The following PHC2 variants were observed in gnomAD, a reference collection of about 807,000 sequenced individuals.
PHC2 encodes polyhomeotic homolog 2.
PHC2 carries 29 observed loss-of-function variants against 87.4 expected under a neutral mutation model. That is an observed-to-expected ratio of 0.33 (90% CI 0.25 to 0.45). PHC2 has a LOEUF of 0.45. Among genes scored for constraint, PHC2 ranks in the 20% least tolerant of loss-of-function variants. PHC2 has a pLI of 1.00. For missense variants in PHC2, 857 were observed against 1,136.7 expected (o/e 0.75, Z 3.54); for synonymous variants, 438 against 461.7 (o/e 0.95, Z 0.66).
intron 1 of PHC2, 132 bp downstream of exon 1, chr1:33,430,844 G>T (rs1008086803): frequency 6.7e-6 from 1 of 150,176 alleles, no homozygotes; most frequent in African/African-American, 2.4e-5. Flanking sequence ...GGCCCGTCCC[G>T]GCCGAGCGCT....
intron 1 of PHC2, 38 bp downstream of exon 1, chr1:33,430,938 C>G (rs1378809750): frequency 6.6e-6 from 1 of 151,326 alleles, no homozygotes; most frequent in African/African-American, 2.4e-5. Context: ...GCCCGTCAGC[C>G]GCGAGCTGGC....
Position 33,349,243 on chromosome 1 carries a change from G to A in PHC2, c.1558+5158C>T, listed in dbSNP as rs1646908069. On this transcript the variant is annotated intron_variant, in intron 9 of 14. Transcript: ENST00000683057. This position sits in a 1 kb window ranked among gnomAD's most constrained non-coding sequence, Gnocchi z 4.2. Reference sequence around the variant, plus strand: ...CACCAATAAAGTACGGCAGATGCCAGCAGTCTCGTCCCCGAACGCACCGTC... The same window carrying A: ...CACCAATAAAGTACGGCAGATGCCAACAGTCTCGTCCCCGAACGCACCGTC... 2 of 985,500 alleles carry A rather than the reference G, an allele frequency of 2.0e-6. No individual in the cohort carries two copies. Among genetic ancestry groups the A allele is most frequent in the Non-Finnish European group, 1.2e-6 (1 of 829,986 alleles). 61.0% of individuals were successfully genotyped at this position (985,500 alleles called of 1,614,324 possible).
intron 7 of PHC2, among the ~76,000 whole-genome samples, chr1:33,356,275 A>G (rs201287168): frequency 0.076 from 7,815 of 102,432 alleles, 290 homozygotes; most frequent in East Asian, 0.18. Context: ...ATATATATAT[A>G]TGTATATATA....
Position 33,355,151 on chromosome 1 carries a change from T to G in PHC2, c.1079A>C (p.Gln360Pro), listed in dbSNP as rs934728464. ...AGGCCGTGACTGCTGGGGCGGCGGC[T>G]GCTGCTGTTGTGGCTGTGGCTGCTG... ...IQQQPQPQQQQPPPQQSRPVL... is the reference protein window; with the variant it reads ...IQQQPQPQQQPPPPQQSRPVL... Residue 360 changes from glutamine (Q) to proline (P), a missense_variant, in exon 8 of 15, where the codon CAG becomes CCG. Gln to Pro is a moderately conservative substitution (Grantham distance 76). Around this residue, in one of 3 missense-constraint regions of PHC2, gnomAD observed 832 missense variants for 1,081.8 expected, o/e 0.77. Coordinates refer to ENST00000683057, the MANE Select transcript of PHC2 (RefSeq NM_001385109.1). 1 of 1,608,528 alleles carries G rather than the reference T, an allele frequency of 6.2e-7. No homozygotes were observed. The highest frequency in any genetic ancestry group is 1.3e-5 in the African/African-American group (1 of 74,874).
chr1:33,353,328 C>A (rs991067245), intron 9 of PHC2: 18 of 152,132 alleles, frequency 1.2e-4, no homozygotes, highest in African/African-American at 4.3e-4. Context: ...GAATCATGAC[C>A]AATGCTGGCA....
At chr1:33,407,704 A>G (rs536038299) in intron 1 of PHC2, among the ~76,000 whole-genome samples, 48 of 152,354 alleles carry the variant, frequency 3.2e-4, no homozygotes, top group African/African-American at 1.2e-3. Context: ...TATTTCATTC[A>G]GACTAGTAAA....
At chr1:33,408,828 A>C (rs1649872133) in intron 1 of PHC2, among the ~76,000 whole-genome samples, 1 of 152,134 alleles carries the variant, frequency 6.6e-6, no homozygotes, top group African/African-American at 2.4e-5. Flanking sequence ...AAAAAGATAA[A>C]ATGCCAGTCT....
chr1:33,376,391 G>A (rs1200680364), intron 1 of PHC2, among the ~76,000 whole-genome samples: 1 of 152,210 alleles, frequency 6.6e-6, no homozygotes, highest in Non-Finnish European at 1.5e-5. Context: ...GGCAGACTTG[G>A]TTCACTAGGT....
intron 1 of PHC2, among the ~76,000 whole-genome samples, chr1:33,381,575 C>A (rs1314781040): frequency 6.6e-6 from 1 of 151,606 alleles, no homozygotes; most frequent in Non-Finnish European, 1.5e-5. Context: ...TATATCTAAG[C>A]AATTTATGTA....
chr1:33,385,294 C>G (rs903022615), intron 1 of PHC2, among the ~76,000 whole-genome samples: 4 of 152,108 alleles, frequency 2.6e-5, no homozygotes, highest in Admixed American at 6.5e-5. Flanking sequence ...GAAAATGAAA[C>G]AACATAAATA....
intron 1 of PHC2, among the ~76,000 whole-genome samples, chr1:33,430,721 G>T (rs992438382): frequency 1.3e-4 from 20 of 150,730 alleles, no homozygotes; most frequent in African/African-American, 4.9e-4. Context: ...GCCGCGCTCT[G>T]CCGGTCGCCG....
chr1:33,398,484 G>T lies in PHC2; in HGVS notation c.-54-22891C>A, dbSNP rs1649384196. 2.6e-5 allele frequency among the ~76,000 whole-genome samples: 4 copies of T among 152,202 alleles called. No homozygotes were observed. In the South Asian group the frequency reaches 8.3e-4, roughly 31 times the overall value. ...TAGATACCAAATGTTAACAATGGCT[G>T]CTTTGGGTGATAGTGTTACTGCTGA... is the stretch of plus-strand genomic sequence containing the variant. On this transcript the variant is annotated intron_variant, in intron 1 of 14. Coordinates refer to ENST00000683057, the MANE Select transcript of PHC2 (RefSeq NM_001385109.1).
intron 2 of PHC2, among the ~76,000 whole-genome samples, chr1:33,375,059 C>T (rs546427330): frequency 8.5e-4 from 130 of 152,256 alleles, no homozygotes; most frequent in Admixed American, 2.4e-3. Context: ...TGTTCTTCAC[C>T]GGGCAATGGT....
At position 33,323,957 on chromosome 1, in the gene PHC2, G is replaced by A. The variant is rs1570432980; in HGVS notation, c.*908C>T. ...CTCACCACTGGGACTCCCAGGGTGG[G>A]CGGGCAGGCAGGCCAGGAGGCTCAG... On this transcript the variant is annotated 3_prime_UTR_variant, in exon 15 of 15. Transcript: ENST00000683057. 6.6e-6 allele frequency: 1 copy of A among 152,438 alleles called. No individual in the cohort carries two copies. Among genetic ancestry groups the A allele is most frequent in the East Asian group, 1.9e-4 (1 of 5,184 alleles). The allele number at this position is 152,438 out of a possible 1,614,324, so 9.4% of individuals were successfully genotyped here.
intron 4 of PHC2, among the ~76,000 whole-genome samples, chr1:33,370,814 A>T (rs1647780016): frequency 6.6e-6 from 1 of 152,114 alleles, no homozygotes; most frequent in African/African-American, 2.4e-5. Context: ...ATCCACAGAG[A>T]GCCCTGACAC....
At chr1:33,419,375 A>G (rs1348852128) in intron 1 of PHC2, among the ~76,000 whole-genome samples, 1 of 152,196 alleles carries the variant, frequency 6.6e-6, no homozygotes, top group African/African-American at 2.4e-5. Context: ...TGGAGGCCTG[A>G]AGTTCAATAT....
chr1:33,362,153 T>C (rs1310162172), intron 7 of PHC2, among the ~76,000 whole-genome samples: 1 of 152,214 alleles, frequency 6.6e-6, no homozygotes, highest in African/African-American at 2.4e-5. Context: ...CTGTAAATGG[T>C]GATACATAGC....
chr1:33,419,898 C>G (rs996976240), intron 1 of PHC2, among the ~76,000 whole-genome samples: 1 of 151,636 alleles, frequency 6.6e-6, no homozygotes, highest in African/African-American at 2.4e-5. Flanking sequence ...CGTGAGCCAC[C>G]GCGCCCGGCC....
chr1:33,334,084 C>A lies in PHC2; in HGVS notation c.1761+6G>T. ...AAAAAAAAAGGGGAAAAGAAGTAGT[C>A]CGTACCGGGAAAGGCTCCGCCCCCT... On this transcript the variant is annotated splice_donor_region_variant and intron_variant, in intron 10 of 14. Transcript: ENST00000683057. The surrounding 1 kb of genome is among the most constrained non-coding windows in gnomAD (Gnocchi z 5.5). 1 of 1,595,902 alleles carries A rather than the reference C, an allele frequency of 6.3e-7. No homozygotes were observed. Among genetic ancestry groups the A allele is most frequent in the Non-Finnish European group, 8.5e-7 (1 of 1,172,944 alleles).
Sources: allele counts gnomAD v4.1 joint callset (sites outside exome capture counted in the v4.1 genomes callset), GRCh38; gene constraint gnomAD v4.1.1; regional missense constraint gnomAD v4.1.1; non-coding constraint Gnocchi (gnomAD v3.1); transcripts MANE v1.5; gene names NCBI Gene and HGNC (gene_info 2026-07-23, HGNC 2026-07-21).